The following LDLRAD3 variants were observed in gnomAD, a reference collection of about 807,000 sequenced individuals.
LDLRAD3 encodes low density lipoprotein receptor class A domain containing 3.
A neutral mutation model predicts 29.4 loss-of-function variants in LDLRAD3; 20 were observed. That is an observed-to-expected ratio of 0.68 (90% confidence interval 0.48 to 0.99). The LOEUF (loss-of-function observed/expected upper bound fraction) is 0.99, where lower values mean the gene tolerates loss of function less well. LDLRAD3 is among the 50% of genes least tolerant of loss of function. The pLI, the probability that LDLRAD3 is intolerant of heterozygous loss-of-function variation, is 0.00. For synonymous variants in LDLRAD3, 157 were observed against 192.7 expected, an observed-to-expected ratio of 0.81 and a Z score of 1.53; for missense variants, 420 against 454.3, an observed-to-expected ratio of 0.92 and a Z score of 0.69.
intron 1 of LDLRAD3, among the ~76,000 whole-genome samples, chr11:36,022,302 A>T (rs2058520879): frequency 6.6e-6 from 1 of 152,174 alleles, no homozygotes; most frequent in Non-Finnish European, 1.5e-5. Flanking sequence ...TCTTTATATC[A>T]TAGTAATTCT....
intron 4 of LDLRAD3, among the ~76,000 whole-genome samples, chr11:36,148,908 G>A (rs1854235413): frequency 6.6e-6 from 1 of 152,190 alleles, no homozygotes; most frequent in African/African-American, 2.4e-5. Context: ...AGATGGTGGT[G>A]GCAGCTGCTC....
intron 4 of LDLRAD3, among the ~76,000 whole-genome samples, chr11:36,112,048 C>T (rs1366037176): frequency 1.3e-5 from 2 of 152,170 alleles, no homozygotes; most frequent in Non-Finnish European, 2.9e-5. Context: ...TATTGAAACC[C>T]TCCTTTTTTT....
intron 2 of LDLRAD3, among the ~76,000 whole-genome samples, chr11:36,073,324 C>T (rs987253210): frequency 2.0e-5 from 3 of 152,208 alleles, no homozygotes; most frequent in Non-Finnish European, 2.9e-5. Flanking sequence ...GTTTGTGGAC[C>T]AGATCCTTGA....
rs2133274091 is a variant in LDLRAD3 at position 36,098,456 on chromosome 11, C to T, written c.449C>T (p.Ser150Phe). ...DNSDEESCES[S>F]QEPGSGQVFV... ...AGTGATGAGGAAAGCTGTGAAAGTT[C>T]TCAAGGTAGGAACCTCTCAAGCTCT... The change falls in exon 4 of 6, where the codon TCT becomes TTT. Residue 150 changes from serine to phenylalanine, a missense_variant. Transcript: ENST00000315571. 2 of 1,614,084 alleles carry T rather than the reference C, an allele frequency of 1.2e-6. No homozygotes were observed. The highest frequency in any genetic ancestry group is 4.5e-5 in the East Asian group (2 of 44,898).
intron 1 of LDLRAD3, among the ~76,000 whole-genome samples, chr11:36,009,186 T>G (rs1398039304): frequency 6.6e-6 from 1 of 152,246 alleles, no homozygotes; most frequent in Non-Finnish European, 1.5e-5. Context: ...CTGTGGCTAC[T>G]TCTACCTTTC....
chr11:36,057,661 C>G (rs1000565665), intron 2 of LDLRAD3, among the ~76,000 whole-genome samples: 3 of 152,232 alleles, frequency 2.0e-5, no homozygotes, highest in Non-Finnish European at 4.4e-5. Flanking sequence ...CCCACTATCT[C>G]TTGGCTGCCC....
At chr11:36,107,136 T>C (rs1377473760) in intron 4 of LDLRAD3, among the ~76,000 whole-genome samples, 4 of 152,204 alleles carry the variant, frequency 2.6e-5, no homozygotes, top group African/African-American at 9.6e-5. Context: ...ATGTGTCTGC[T>C]ACATAGCAAA....
intron 1 of LDLRAD3, among the ~76,000 whole-genome samples, chr11:35,956,845 C>T (rs1378363466): frequency 2.0e-5 from 3 of 152,136 alleles, no homozygotes; most frequent in Non-Finnish European, 4.4e-5. Flanking sequence ...ACACCATTCT[C>T]CTGCCTCAGC....
chr11:36,069,852 G>A (rs965975834), intron 2 of LDLRAD3, among the ~76,000 whole-genome samples: 1 of 152,040 alleles, frequency 6.6e-6, no homozygotes, highest in African/African-American at 2.4e-5. Context: ...TTCTTTGCAG[G>A]TGCGACACAG....
intron 1 of LDLRAD3, among the ~76,000 whole-genome samples, chr11:35,965,390 G>T (rs952845578): frequency 9.8e-5 from 15 of 152,312 alleles, no homozygotes; most frequent in African/African-American, 3.1e-4. Context: ...ACGGACCAGG[G>T]TGTTCTTGTA....
In LDLRAD3 at chr11:36,081,754, G is replaced by A. The variant is rs753317320; in HGVS notation, c.295G>A (p.Asp99Asn). The A allele has an allele frequency of 8.7e-6, 14 of 1,614,112 alleles. No homozygotes were observed. Among genetic ancestry groups the A allele is most frequent in the Middle Eastern group, 1.6e-4 (1 of 6,084 alleles). Residue 99 changes from aspartate to asparagine, a missense_variant, in exon 3 of 6, where the codon GAT (aspartate) becomes AAT (asparagine). This residue lies in a region of LDLRAD3 where 224 missense variants were observed against 222.2 expected (regional missense o/e 1.01). Coordinates refer to ENST00000315571, the MANE Select transcript of LDLRAD3 (RefSeq NM_174902.4). The stretch of plus-strand genomic sequence containing the variant: ...GTGCAATGGGTTTGAGGACTGTCCC[G>A]ATGGCAGCGATGAAGAGAACTGCAG... ...FRCNGFEDCPDGSDEENCTAN... is the reference protein window; with the variant it reads ...FRCNGFEDCPNGSDEENCTAN...
intron 4 of LDLRAD3, among the ~76,000 whole-genome samples, chr11:36,178,750 C>T (rs1353677464): frequency 6.6e-6 from 1 of 152,224 alleles, no homozygotes; most frequent in African/African-American, 2.4e-5. Flanking sequence ...ATACCACCTA[C>T]CTGATGAATC....
intron 1 of LDLRAD3, among the ~76,000 whole-genome samples, chr11:35,993,713 G>A (rs1851717481): frequency 6.6e-6 from 1 of 151,810 alleles, no homozygotes; most frequent in Admixed American, 6.6e-5. Context: ...AGTAGGGAGT[G>A]AGGTACCAGA....
At chr11:36,131,473 G>A (rs543131278) in intron 4 of LDLRAD3, among the ~76,000 whole-genome samples, 1 of 152,238 alleles carries the variant, frequency 6.6e-6, no homozygotes, top group Admixed American at 6.5e-5. Flanking sequence ...TTGTTGCTTT[G>A]GGGCTAGAAT....
At chr11:36,168,401 T>C (rs1164008445) in intron 4 of LDLRAD3, among the ~76,000 whole-genome samples, 3 of 151,886 alleles carry the variant, frequency 2.0e-5, no homozygotes, top group African/African-American at 7.3e-5. Context: ...ACGTGAACTG[T>C]CAAGAACCAG....
chr11:36,196,057 A>G (rs1289129767), intron 4 of LDLRAD3, among the ~76,000 whole-genome samples: 1 of 150,224 alleles, frequency 6.7e-6, no homozygotes, highest in Admixed American at 6.6e-5. Context: ...TACCCCATCC[A>G]AAAAGCTGGC....
intron 5 of LDLRAD3, among the ~76,000 whole-genome samples, chr11:36,227,725 G>A (rs1046980187): frequency 3.3e-5 from 5 of 152,206 alleles, no homozygotes; most frequent in African/African-American, 1.2e-4. Context: ...GGAAACTGAG[G>A]CTCTGGGATG....
chr11:36,130,276 G>C (rs1289514765), intron 4 of LDLRAD3, among the ~76,000 whole-genome samples: 1 of 152,146 alleles, frequency 6.6e-6, no homozygotes, highest in Non-Finnish European at 1.5e-5. Flanking sequence ...GAGTCTTCCC[G>C]GTGGAGGGAG....
intron 2 of LDLRAD3, among the ~76,000 whole-genome samples, chr11:36,060,015 T>TGA (rs1258215071): frequency 6.6e-6 from 1 of 152,254 alleles, no homozygotes; most frequent in African/African-American, 2.4e-5. Context: ...ATGGGTATCA[T>TGA]GATTGGCATC....
Sources: gnomAD v4.1 joint callset for allele counts (sites outside exome capture counted in the v4.1 genomes callset) on GRCh38, gnomAD v4.1.1 for gene constraint, gnomAD v4.1.1 regional missense constraint, MANE v1.5 for transcripts, NCBI Gene and HGNC (gene_info 2026-07-23, HGNC 2026-07-21) for gene names.